ACSBG2: variants seen among roughly 807,000 people sequenced by gnomAD.
The protein encoded by ACSBG2 is acyl-CoA synthetase bubblegum family member 2.
Under a neutral mutation model 74.7 loss-of-function variants are expected in ACSBG2, and 62 were observed. The ratio of observed to expected loss-of-function variants is 0.83; its 90% CI spans 0.68 to 1.03. The LOEUF (loss-of-function observed/expected upper bound fraction) is 1.03. Among genes scored for constraint, ACSBG2 ranks in the 50% least tolerant of loss-of-function variants. ACSBG2 has a pLI of 0.00. For missense variants in ACSBG2, 730 were observed against 817.6 expected (o/e 0.89, Z 1.31); for synonymous variants, 309 against 294.1 (o/e 1.05, Z -0.52).
At chr19:6,182,281 C>G (rs2090282045) in intron 8 of ACSBG2, among the ~76,000 whole-genome samples, 5 of 150,636 alleles carry the variant, frequency 3.3e-5, no homozygotes, top group Admixed American at 2.6e-4. Flanking sequence ...GGGGGAGAAT[C>G]TTGCATCCTT....
chr19:6,172,779 T>C (rs2089996542), intron 7 of ACSBG2, among the ~76,000 whole-genome samples: 1 of 152,080 alleles, frequency 6.6e-6, no homozygotes, highest in African/African-American at 2.4e-5. Context: ...ACTTAAAAGT[T>C]AGAACCAGCA....
intron 7 of ACSBG2, among the ~76,000 whole-genome samples, chr19:6,168,650 C>A (rs934725992): frequency 5.3e-5 from 8 of 152,314 alleles, no homozygotes; most frequent in African/African-American, 1.9e-4. Context: ...CTAGTGGCTG[C>A]ATGTGTGGTA....
chr19:6,138,598 G>GGGAGGA (rs1306046636), intron 1 of ACSBG2, among the ~76,000 whole-genome samples: 3 of 57,504 alleles, frequency 5.2e-5, no homozygotes, highest in African/African-American at 7.0e-5. Flanking sequence ...AGGGAAGAGA[G>GGGAGGA]AGGGAGGAAG....
At position 6,180,888 on chromosome 19, in the gene ACSBG2, T is replaced by C. The variant is rs1188326366; in HGVS notation, c.907-1863T>C. 1.3e-5 allele frequency among the ~76,000 whole-genome samples: 2 copies of C among 151,980 alleles called. No individual in the cohort carries two copies. Among genetic ancestry groups the C allele is most frequent in the Admixed American group, 6.6e-5 (1 of 15,254 alleles). ...AAAAATGTGGTTGCTCTTTCTGTGCTAGCATGACTAGTAAAAAGAAAAGTA... is the reference window on the plus strand; with the variant it reads ...AAAAATGTGGTTGCTCTTTCTGTGCCAGCATGACTAGTAAAAAGAAAAGTA... On this transcript the variant is annotated intron_variant, in intron 8 of 14. Transcript: ENST00000588485. The surrounding 1 kb of genome is among the most constrained non-coding windows in gnomAD (Gnocchi z 4.3).
intron 13 of ACSBG2, chr19:6,189,859 C>A (rs2090513315): frequency 6.6e-6 from 1 of 152,264 alleles, no homozygotes; most frequent in Non-Finnish European, 1.5e-5. Flanking sequence ...CAGGTGCGTG[C>A]CACCACGTCC....
chr19:6,138,344 C>T (rs1451801496), intron 1 of ACSBG2, among the ~76,000 whole-genome samples: 1 of 151,930 alleles, frequency 6.6e-6, no homozygotes, highest in South Asian at 2.1e-4. Flanking sequence ...GGGCCTCTCA[C>T]GTGACCAGGA....
At chr19:6,182,588 T>C (rs2090289842) in intron 8 of ACSBG2, among the ~76,000 whole-genome samples, 163 bp from the exon 9 acceptor site, 2 of 152,202 alleles carry the variant, frequency 1.3e-5, no homozygotes, top group South Asian at 4.1e-4. Flanking sequence ...AAAATCTGAC[T>C]GGCCAACCCA....
At chr19:6,137,944 A>G (rs1009681) in intron 1 of ACSBG2, among the ~76,000 whole-genome samples, 111,788 of 152,144 alleles carry the variant, frequency 0.73, 41,596 homozygotes, top group African/African-American at 0.83. Flanking sequence ...ATGAGCCACC[A>G]TGCTTGGCAT....
chr19:6,171,069 T>C (rs909443075), intron 7 of ACSBG2, among the ~76,000 whole-genome samples: 1 of 152,128 alleles, frequency 6.6e-6, no homozygotes, highest in African/African-American at 2.4e-5. Flanking sequence ...GTTTGCATGA[T>C]AGATCTTTCT....
At chr19:6,189,255 T>C (rs1386741626) in intron 13 of ACSBG2, among the ~76,000 whole-genome samples, 1 of 152,178 alleles carries the variant, frequency 6.6e-6, no homozygotes, top group East Asian at 1.9e-4. Context: ...GCCACCCCCA[T>C]TATACCACCC....
At chr19:6,161,496 T>A (rs904695385) in intron 6 of ACSBG2, 6 of 521,154 alleles carry the variant, frequency 1.2e-5, no homozygotes, top group African/African-American at 1.9e-5. Flanking sequence ...GGAAAGTGGG[T>A]GTGACCTTTC....
At chr19:6,153,001 T>C (rs1381045701) in intron 4 of ACSBG2, among the ~76,000 whole-genome samples, 1 of 152,186 alleles carries the variant, frequency 6.6e-6, no homozygotes, top group Admixed American at 6.5e-5. Flanking sequence ...CCCAGCACTG[T>C]GGGAGGCCAA....
intron 1 of ACSBG2, among the ~76,000 whole-genome samples, chr19:6,140,033 C>G (rs1265004148): frequency 1.3e-5 from 2 of 152,036 alleles, no homozygotes; most frequent in African/African-American, 4.8e-5. Context: ...ACCATCCTGG[C>G]AAACACGGTG....
intron 2 of ACSBG2, among the ~76,000 whole-genome samples, chr19:6,143,342 C>A (rs990373851): frequency 6.6e-6 from 1 of 151,872 alleles, no homozygotes; most frequent in Non-Finnish European, 1.5e-5. Context: ...CAAGATCACA[C>A]CACTGCATTC....
chr19:6,155,922 CAAA>C (rs55846830), intron 4 of ACSBG2, among the ~76,000 whole-genome samples: 1 of 140,488 alleles, frequency 7.1e-6, no homozygotes. Flanking sequence ...AATAAAAAGG[CAAA>C]AAAAAAAAAA....
intron 6 of ACSBG2, 63 bp from the exon 7 acceptor site, chr19:6,165,803 T>G: frequency 6.3e-7 from 1 of 1,591,178 alleles, no homozygotes; most frequent in Non-Finnish European, 8.6e-7. Flanking sequence ...TAGGACGAGG[T>G]CTGGCTGGGT....
intron 3 of ACSBG2, among the ~76,000 whole-genome samples, chr19:6,150,969 C>T (rs11085162): frequency 0.62 from 93,664 of 151,526 alleles, 30,298 homozygotes; most frequent in Admixed American, 0.71. Context: ...CAAAAATTAG[C>T]CAGGCGTGGT....
At chr19:6,151,849 C>T in intron 4 of ACSBG2, 54 bp downstream of exon 4, 1 of 1,504,238 alleles carries the variant, frequency 6.6e-7, no homozygotes, top group Non-Finnish European at 9.1e-7. Context: ...TACCCTGGGC[C>T]TGGGACCCCT....
chr19:6,183,287 G>A lies in ACSBG2; in HGVS notation c.1322+15G>A. The stretch of plus-strand genomic sequence containing the variant: ...AGGCTTCTAAGGTACCAGCCCCCGG[G>A]GCAGACCCCTGCTCCTCCCATAACA... On this transcript the variant is annotated intron_variant, in intron 10 of 14. Transcript: ENST00000588485. 6.2e-7 allele frequency: 1 copy of A among 1,609,258 alleles called. No homozygotes were observed. The highest frequency in any genetic ancestry group is 8.5e-7 in the Non-Finnish European group (1 of 1,175,824).
Sources: gnomAD v4.1 joint callset for allele counts (sites outside exome capture counted in the v4.1 genomes callset) on GRCh38, gnomAD v4.1.1 for gene constraint, Gnocchi (gnomAD v3.1) non-coding constraint, MANE v1.5 for transcripts, NCBI Gene and HGNC (gene_info 2026-07-23, HGNC 2026-07-21) for gene names.